Variants in UBA2 observed in about 807,000 individuals in gnomAD.
UBA2 encodes the protein SUMO-activating enzyme subunit 2.
A neutral mutation model predicts 77.2 loss-of-function variants in UBA2; 11 were observed. The ratio of observed to expected loss-of-function variants is 0.14; its 90% CI spans 0.09 to 0.24. The LOEUF (loss-of-function observed/expected upper bound fraction) is 0.24, where lower values mean the gene tolerates loss of function less well. UBA2 is among the 10% of genes least tolerant of loss of function. The pLI, the probability that UBA2 is intolerant of heterozygous loss-of-function variation, is 1.00. For missense variants in UBA2, 487 were observed against 781.7 expected (o/e 0.62, Z 4.50); for synonymous variants, 278 against 276.7 (o/e 1.00, Z -0.05).
chr19:34,450,650 G>A (rs1229011876), intron 9 of UBA2, among the ~76,000 whole-genome samples: 21 of 150,322 alleles, frequency 1.4e-4, no homozygotes. Context: ...GCTTTTGTCA[G>A]TCAGTATAGT....
At chr19:34,450,742 CTTTTTTTT>C (rs59580124) in intron 9 of UBA2, among the ~76,000 whole-genome samples, 1 of 83,432 alleles carries the variant, frequency 1.2e-5, no homozygotes, top group Non-Finnish European at 2.1e-5. Context: ...TTATGTATAT[CTTTTTTTT>C]TTTTTTTTTT....
chr19:34,449,156 G>A (rs763134405), intron 8 of UBA2, among the ~76,000 whole-genome samples: 40 of 132,750 alleles, frequency 3.0e-4, no homozygotes, highest in East Asian at 2.4e-4. Flanking sequence ...TGCACTCTCC[G>A]CCTCCCAGGT....
Position 34,438,069 on chromosome 19 carries a change from C to T in UBA2, c.460-576C>T, listed in dbSNP as rs561843835. Among the ~76,000 whole-genome samples, 7 of 152,050 alleles carry T rather than the reference C, an allele frequency of 4.6e-5. No individual in the cohort carries two copies. The East Asian group carries it at 5.8e-4, about 13-fold the overall frequency. On this transcript the variant is annotated intron_variant, in intron 5 of 16. Transcript: ENST00000246548. The stretch of plus-strand genomic sequence containing the variant: ...CCGTCTCCCCACCGCCAAAAAGAAA[C>T]GTATATCAATAAAATGAAGAGTATT...
At chr19:34,463,305 G>A (rs760204217) in intron 14 of UBA2, among the ~76,000 whole-genome samples, 1 of 152,040 alleles carries the variant, frequency 6.6e-6, no homozygotes, top group Non-Finnish European at 1.5e-5. Context: ...AAGTAGTTTC[G>A]GTAGTTAAGT....
chr19:34,463,804 G>C (rs923237425), intron 14 of UBA2, among the ~76,000 whole-genome samples: 1 of 150,396 alleles, frequency 6.6e-6, no homozygotes, highest in Non-Finnish European at 1.5e-5. Flanking sequence ...GATCAGATTA[G>C]AGCCCACCCT....
intron 8 of UBA2, among the ~76,000 whole-genome samples, chr19:34,448,282 G>T (rs1357693645): frequency 6.6e-6 from 1 of 152,104 alleles, no homozygotes; most frequent in Non-Finnish European, 1.5e-5. Context: ...CATGTATATG[G>T]TGAAGATCAG....
chr19:34,455,011 C>T (rs1052837474), intron 12 of UBA2, among the ~76,000 whole-genome samples: 2 of 152,034 alleles, frequency 1.3e-5, no homozygotes, highest in Non-Finnish European at 2.9e-5. Context: ...TGCTATTTCT[C>T]GTAGTGATTT....
chr19:34,453,053 A>AT (rs2075519143), intron 10 of UBA2, among the ~76,000 whole-genome samples: 1 of 152,222 alleles, frequency 6.6e-6, no homozygotes, highest in African/African-American at 2.4e-5. Context: ...CTCTTGAGTA[A>AT]AGTCCACATG....
At chr19:34,448,719 T>C (rs570661491) in intron 8 of UBA2, among the ~76,000 whole-genome samples, 3 of 152,204 alleles carry the variant, frequency 2.0e-5, no homozygotes, top group Non-Finnish European at 4.4e-5. Flanking sequence ...AGAAGTGGTT[T>C]TGTAGATAAG....
intron 14 of UBA2, 99 bp from the exon 15 acceptor site, chr19:34,463,925 GAC>G: frequency 1.3e-6 from 1 of 779,324 alleles, no homozygotes; most frequent in Admixed American, 2.1e-5. Context: ...TGGTGAACGG[GAC>G]ACAAATCAGC....
intron 14 of UBA2, among the ~76,000 whole-genome samples, chr19:34,461,635 A>C (rs150581978): frequency 0.015 from 2,217 of 152,318 alleles, 24 homozygotes; most frequent in South Asian, 0.025. Context: ...TACGGAATAC[A>C]TGTGGTATGG....
chr19:34,436,052 G>A (rs539172277), intron 5 of UBA2, among the ~76,000 whole-genome samples: 13 of 151,102 alleles, frequency 8.6e-5, no homozygotes, highest in South Asian at 2.1e-4. Flanking sequence ...CCGGGGAAGC[G>A]GAGGTTGCGG....
intron 9 of UBA2, among the ~76,000 whole-genome samples, chr19:34,450,915 C>T (rs1016642021): frequency 4.0e-5 from 6 of 151,802 alleles, no homozygotes; most frequent in Non-Finnish European, 5.9e-5. Context: ...TATTTATGTA[C>T]ACCTTTGTAC....
At chr19:34,434,838 A>G (rs937138338) in intron 4 of UBA2, 30 bp from the exon 5 acceptor site, 1 of 1,539,694 alleles carries the variant, frequency 6.5e-7, no homozygotes, top group Non-Finnish European at 8.8e-7. Flanking sequence ...TTTTTTTCCC[A>G]AAAACTCATA....
intron 3 of UBA2, among the ~76,000 whole-genome samples, chr19:34,432,799 C>A (rs1278486511): frequency 6.6e-6 from 1 of 152,228 alleles, no homozygotes; most frequent in Admixed American, 6.5e-5. Flanking sequence ...AGGTGATCCA[C>A]CCGCCTTGGC....
intron 5 of UBA2, among the ~76,000 whole-genome samples, chr19:34,436,597 C>T (rs1324080340): frequency 6.6e-6 from 1 of 152,196 alleles, no homozygotes; most frequent in East Asian, 1.9e-4. Flanking sequence ...CCATGCCTGG[C>T]ACATATCTCA....
chr19:34,457,340 C>T (rs2075579547), intron 12 of UBA2, among the ~76,000 whole-genome samples: 1 of 151,134 alleles, frequency 6.6e-6, no homozygotes, highest in Non-Finnish European at 1.5e-5. Flanking sequence ...GCACTCCAGC[C>T]TGGCAACAAG....
At chr19:34,434,321 G>T (rs549298166) in intron 4 of UBA2, among the ~76,000 whole-genome samples, 8 of 152,030 alleles carry the variant, frequency 5.3e-5, no homozygotes, top group African/African-American at 1.7e-4. Context: ...TTGCTTTGTT[G>T]CCCAGGCTGG....
chr19:34,446,869 G>A (rs921326887), intron 8 of UBA2, among the ~76,000 whole-genome samples: 1 of 152,116 alleles, frequency 6.6e-6, no homozygotes, highest in African/African-American at 2.4e-5. Context: ...GCCTCCCAAA[G>A]TGCTGGGATT....
Sources: allele counts gnomAD v4.1 joint callset (sites outside exome capture counted in the v4.1 genomes callset), GRCh38; gene constraint gnomAD v4.1.1; transcripts MANE v1.5; gene names NCBI Gene and HGNC (gene_info 2026-07-23, HGNC 2026-07-21).